CEP131: variants seen among roughly 807,000 people sequenced by gnomAD.
The protein encoded by CEP131 is centrosomal protein 131.
A neutral mutation model predicts 136.8 loss-of-function variants in CEP131; 99 were observed. That is an observed-to-expected ratio of 0.72 (90% confidence interval 0.62 to 0.86). The LOEUF (loss-of-function observed/expected upper bound fraction) is 0.86, where lower values mean the gene tolerates loss of function less well. Among genes scored for constraint, CEP131 ranks in the 40% least tolerant of loss-of-function variants. CEP131 has a pLI of 0.00. For missense variants in CEP131, 1,459 were observed against 1,463.0 expected (o/e 1.00, Z 0.04); for synonymous variants, 646 against 612.7 (o/e 1.05, Z -0.80).
intron 5 of CEP131, among the ~76,000 whole-genome samples, chr17:81,206,085 G>A (rs1202996839): frequency 6.6e-6 from 1 of 151,870 alleles, no homozygotes; most frequent in East Asian, 1.9e-4. Flanking sequence ...GTGGTGGCAC[G>A]TGCTTATAAT....
At chr17:81,211,614 C>T (rs1038977770) in intron 2 of CEP131, among the ~76,000 whole-genome samples, 1 of 152,108 alleles carries the variant, frequency 6.6e-6, no homozygotes, top group Non-Finnish European at 1.5e-5. Context: ...TTACCAGGGG[C>T]CTTGGGCCAG....
chr17:81,213,957 C>G (rs1184521626), intron 2 of CEP131, among the ~76,000 whole-genome samples: 1 of 152,224 alleles, frequency 6.6e-6, no homozygotes, highest in Non-Finnish European at 1.5e-5. Flanking sequence ...CCCTGACCAG[C>G]TCTCCCCAAA....
intron 2 of CEP131, among the ~76,000 whole-genome samples, chr17:81,212,816 G>A (rs1346173149): frequency 6.6e-6 from 1 of 152,152 alleles, no homozygotes; most frequent in South Asian, 2.1e-4. Context: ...TCAGTAGGAC[G>A]CACAACACCA....
At chr17:81,201,003 G>C (rs542362155) in intron 7 of CEP131, among the ~76,000 whole-genome samples, 3 of 152,236 alleles carry the variant, frequency 2.0e-5, no homozygotes, top group African/African-American at 7.2e-5. Context: ...ATACACCCTG[G>C]TGGAATCTCA....
rs2061935016 is a variant in CEP131 at position 81,203,308 on chromosome 17, C to T, written c.629+186G>A. On this transcript the variant is annotated intron_variant, in intron 6 of 25. Transcript: ENST00000450824. The surrounding 1 kb of genome is among the most constrained non-coding windows in gnomAD (Gnocchi z 4.6). ...TTCACAGCTGCTCCACGCGGTTTTACGTGCACTGACCACGTGCCCTGACCG... is the reference window on the plus strand; with the variant it reads ...TTCACAGCTGCTCCACGCGGTTTTATGTGCACTGACCACGTGCCCTGACCG... Among the ~76,000 whole-genome samples, 2 of 152,336 alleles carry T rather than the reference C, an allele frequency of 1.3e-5. No homozygotes were observed. The highest frequency in any genetic ancestry group is 1.9e-4 in the East Asian group (1 of 5,182).
At position 81,196,749 on chromosome 17, in the gene CEP131, C is replaced by T. The variant is rs765507333; in HGVS notation, c.1851G>A (p.Arg617=). 2 of 1,601,646 alleles carry T rather than the reference C, an allele frequency of 1.2e-6. No individual in the cohort carries two copies. Among genetic ancestry groups the T allele is most frequent in the East Asian group, 2.3e-5 (1 of 44,430 alleles). ...GCTGGATGGTGGCCTCGTAGTGCTC[C>T]CTCTGCCGCTGCAGCTGCCGGCTCA... ...KALSRQLQRQ[R]EHYEATIQRH... is the part of the protein sequence containing the mutation. Residue 617 remains arginine (R), a synonymous_variant, in exon 15 of 26, where the codon AGG becomes AGA. Coordinates refer to ENST00000450824, the MANE Select transcript of CEP131 (RefSeq NM_014984.4).
rs111841890 is a variant in CEP131, at chr17:81,219,936, G to A, written c.121C>T (p.Pro41Ser). 3,297 of 1,612,386 alleles carry A rather than the reference G, an allele frequency of 2.0e-3. 66 individuals are homozygous for A. The African/African-American group carries it at 0.038, about 19-fold the overall frequency. ...RRPGSAATTKPIVRSVSVVTG... is the reference protein window; with the variant it reads ...RRPGSAATTKSIVRSVSVVTG... Reference sequence around the variant, plus strand: ...ACCACGGAGACAGAGCGGACGATGGGCTTGGTGGTGGCGGCACTGCCAGGA... The same window carrying A: ...ACCACGGAGACAGAGCGGACGATGGACTTGGTGGTGGCGGCACTGCCAGGA... Residue 41 changes from proline (P) to serine (S), a missense_variant, in exon 2 of 26, where the codon CCC (proline) becomes TCC (serine). Around this residue, in one of 3 missense-constraint regions of CEP131, gnomAD observed 187 missense variants for 179.9 expected, o/e 1.04. Transcript: ENST00000450824. This position sits in a 1 kb window ranked among gnomAD's most constrained non-coding sequence, Gnocchi z 4.0.
intron 21 of CEP131, 98 bp from the exon 22 acceptor site, chr17:81,191,433 C>A: frequency 8.7e-7 from 1 of 1,154,780 alleles, no homozygotes; most frequent in South Asian, 1.3e-5. Context: ...GGCTCTGAGC[C>A]ACAGGGGAGC....
chr17:81,220,243 C>A (rs113605294), intron 1 of CEP131, among the ~76,000 whole-genome samples, 170 bp from the exon 2 acceptor site: 1 of 152,212 alleles, frequency 6.6e-6, no homozygotes, highest in African/African-American at 2.4e-5. Flanking sequence ...TCGACAGGAA[C>A]ATGAGGGAGC....
chr17:81,212,880 T>A (rs1407111803), intron 2 of CEP131, among the ~76,000 whole-genome samples: 3 of 152,156 alleles, frequency 2.0e-5, no homozygotes, highest in Non-Finnish European at 4.4e-5. Flanking sequence ...ACACACCAAC[T>A]GGCGTACACT....
At chr17:81,201,169 C>A (rs1410554744) in intron 7 of CEP131, among the ~76,000 whole-genome samples, 2 of 152,196 alleles carry the variant, frequency 1.3e-5, no homozygotes, top group African/African-American at 2.4e-5. Flanking sequence ...AACGTGTGAG[C>A]CCTAGCTCGG....
At position 81,192,169 on chromosome 17, in the gene CEP131, GACA is replaced by G. The variant is rs748240039; in HGVS notation, c.2622+146_2622+148del. On this transcript the variant is annotated intron_variant, in intron 21 of 25. Coordinates refer to ENST00000450824, the MANE Select transcript of CEP131 (RefSeq NM_014984.4). ...AAGCAACACACTCAGCGTCAGTTCAGACAACAACCCCAAGCAGCCAGATGTGAC... is the reference window on the plus strand; with the variant it reads ...AAGCAACACACTCAGCGTCAGTTCAGACAACCCCAAGCAGCCAGATGTGAC... The G allele has an allele frequency of 2.5e-4, 179 of 715,796 alleles. 1 individual carries two copies. Among genetic ancestry groups the G allele is most frequent in the East Asian group, 1.4e-3 (51 of 37,074 alleles). 44.3% of individuals were successfully genotyped at this position (715,796 alleles called of 1,614,324 possible).
intron 2 of CEP131, among the ~76,000 whole-genome samples, chr17:81,216,985 G>A (rs1245999973): frequency 2.0e-5 from 3 of 152,224 alleles, no homozygotes; most frequent in African/African-American, 4.8e-5. Context: ...ATCAAGTCAT[G>A]GACTAAAAAC....
chr17:81,206,526 T>C (rs1015333250), intron 5 of CEP131, among the ~76,000 whole-genome samples: 5 of 152,202 alleles, frequency 3.3e-5, no homozygotes, highest in African/African-American at 1.2e-4. Flanking sequence ...TGAAACTCTT[T>C]AAGAGCAAAG....
intron 2 of CEP131, among the ~76,000 whole-genome samples, chr17:81,216,931 A>T (rs1236399968): frequency 6.6e-6 from 1 of 152,190 alleles, no homozygotes; most frequent in Non-Finnish European, 1.5e-5. Flanking sequence ...CCACTCACTG[A>T]CGGACACCAC....
In CEP131 at chr17:81,194,032, C is replaced by T. The variant is rs145129622; in HGVS notation, c.2215G>A (p.Glu739Lys). ...LHEAELLQSD[E>K]RASQRCLRQA... Reference sequence around the variant, plus strand: ...CGCAGGCAGCGCTGCGAGGCCCGCTCATCCGACTGCAGCAGCTCCGCCTCG... The same window carrying T: ...CGCAGGCAGCGCTGCGAGGCCCGCTTATCCGACTGCAGCAGCTCCGCCTCG... The change falls in exon 18 of 26, where the codon GAG becomes AAG. Residue 739 changes from glutamate (E) to lysine (K), a missense_variant. Transcript: ENST00000450824. 2,180 of 1,579,242 alleles carry T rather than the reference C, an allele frequency of 1.4e-3. 8 individuals carry two copies. Among genetic ancestry groups the T allele is most frequent in the Middle Eastern group, 2.4e-3 (14 of 5,924 alleles).
chr17:81,214,847 A>G (rs2062211027), intron 2 of CEP131, among the ~76,000 whole-genome samples: 1 of 151,952 alleles, frequency 6.6e-6, no homozygotes, highest in African/African-American at 2.4e-5. Context: ...ATCTCGGCTC[A>G]CTGCAAGTTC....
In CEP131 at chr17:81,192,774, C is replaced by G. The variant is rs1464479036; in HGVS notation, c.2391G>C (p.Val797=). ...GGCCCAGCCGCTCCCTCTCCTCAGC[C>G]ACCTCACTGTACAGCCGCTGCCGTT... ...QQQRQRLYSE[V]AEERERLGQQ... The change falls in exon 19 of 26, where the codon GTG becomes GTC. Residue 797 remains valine, a synonymous_variant. Transcript: ENST00000450824. The G allele has an allele frequency of 1.3e-6, 2 of 1,595,932 alleles. No individual in the cohort carries two copies. The highest frequency in any genetic ancestry group is 2.2e-5 in the South Asian group (2 of 91,002).
At position 81,203,368 on chromosome 17, in the gene CEP131, G is replaced by C. The variant is rs957467420; in HGVS notation, c.629+126C>G. 1 of 741,654 alleles carries C rather than the reference G, an allele frequency of 1.3e-6. No homozygotes were observed. The highest frequency in any genetic ancestry group is 1.7e-5 in the African/African-American group (1 of 57,304). 45.9% of individuals were successfully genotyped at this position (741,654 alleles called of 1,614,324 possible). A position where few individuals can be genotyped will look rare whatever the true frequency, so the allele number is the denominator to read the frequency against. ...CCCATGCACACTGACCGCATGCCCT[G>C]ACCAAGGTAGAACCCTGTGTGAACT... On this transcript the variant is annotated intron_variant, in intron 6 of 25. Transcript: ENST00000450824. This position sits in a 1 kb window ranked among gnomAD's most constrained non-coding sequence, Gnocchi z 4.6.
Sources: gnomAD v4.1 joint callset for allele counts (sites outside exome capture counted in the v4.1 genomes callset) on GRCh38, gnomAD v4.1.1 for gene constraint, gnomAD v4.1.1 regional missense constraint, Gnocchi (gnomAD v3.1) non-coding constraint, MANE v1.5 for transcripts, NCBI Gene and HGNC (gene_info 2026-07-23, HGNC 2026-07-21) for gene names.